Variants in ADGRD1 observed in about 807,000 individuals in gnomAD.
The protein encoded by ADGRD1 is adhesion G protein-coupled receptor D1.
A neutral mutation model predicts 113.4 loss-of-function variants in ADGRD1; 77 were observed. The observed-to-expected ratio is 0.68, with a 90% CI of 0.57 to 0.82. The LOEUF is 0.82. ADGRD1 is among the 40% of genes least tolerant of loss of function. The pLI is 0.00. For synonymous variants in ADGRD1, 474 were observed against 475.0 expected (o/e 1.00, Z 0.03); for missense variants, 1,036 against 1,139.1 (o/e 0.91, Z 1.30).
At chr12:131,132,176 C>T (rs1468034067) in intron 21 of ADGRD1, among the ~76,000 whole-genome samples, 2 of 152,216 alleles carry the variant, frequency 1.3e-5, no homozygotes, top group Admixed American at 6.5e-5. Context: ...ATCTGCTGGG[C>T]TCAGCGAGTT....
rs554527157 is a variant in ADGRD1 at position 131,111,550 on chromosome 12, A to G, written c.2041+2673A>G. On this transcript the variant is annotated intron_variant, in intron 18 of 24. Coordinates refer to ENST00000261654, the MANE Select transcript of ADGRD1 (RefSeq NM_198827.5). ...CATTATGAGTAGGTTGGTGTGCTTA[A>G]TGGTGTTCCACATTTAGAGTACACT... 3.4e-4 allele frequency among the ~76,000 whole-genome samples: 51 copies of G among 151,954 alleles called. No individual in the cohort carries two copies. In the South Asian group the frequency reaches 0.01, roughly 31 times the overall value.
At chr12:131,127,604 G>A (rs1426518535) in intron 20 of ADGRD1, among the ~76,000 whole-genome samples, 1 of 137,684 alleles carries the variant, frequency 7.3e-6, no homozygotes, top group African/African-American at 2.8e-5. Flanking sequence ...GTGTTGGTTG[G>A]GTTGGTTGTG....
chr12:130,996,635 G>A (rs2136686186), intron 8 of ADGRD1, among the ~76,000 whole-genome samples: 1 of 104,098 alleles, frequency 9.6e-6, no homozygotes, highest in Non-Finnish European at 2.1e-5. Context: ...CCTCCCGGAC[G>A]AGGCGGCTGG....
At chr12:131,127,929 C>T (rs1464763237) in intron 20 of ADGRD1, among the ~76,000 whole-genome samples, 1 of 47,232 alleles carries the variant, frequency 2.1e-5, no homozygotes, top group Non-Finnish European at 3.8e-5. Context: ...TGTGATGGGA[C>T]CCTGAGCTCA....
chr12:131,138,229 C>T lies in ADGRD1; in HGVS notation c.2529C>T (p.Leu843=), dbSNP rs1186863596. 5.6e-6 allele frequency: 9 copies of T among 1,611,994 alleles called. No homozygotes were observed. Among genetic ancestry groups the T allele is most frequent in the African/African-American group, 4.0e-5 (3 of 74,904 alleles). ...TSNAKPFHSD[L]MNGTRPGMAS... is the part of the protein sequence containing the mutation. ...ACGCGAAGCCCTTCCACTCGGACCT[C>T]GTGAGTGCAGCCTCCATAAACCGAG... is the stretch of plus-strand genomic sequence containing the variant. The change falls in exon 24 of 25, where the codon CTC becomes CTT. Residue 843 remains leucine (L), a splice_region_variant and synonymous_variant. Coordinates refer to ENST00000261654, the MANE Select transcript of ADGRD1 (RefSeq NM_198827.5).
rs1372391518 is a variant in ADGRD1 at position 130,954,815 on chromosome 12, C to T, written c.103+155C>T. Among the ~76,000 whole-genome samples the T allele has an allele frequency of 6.6e-6, 1 of 152,200 alleles. No homozygotes were observed. Among genetic ancestry groups the T allele is most frequent in the Non-Finnish European group, 1.5e-5 (1 of 68,036 alleles). On this transcript the variant is annotated intron_variant, in intron 2 of 24. Coordinates refer to ENST00000261654, the MANE Select transcript of ADGRD1 (RefSeq NM_198827.5). This position sits in a 1 kb window ranked among gnomAD's most constrained non-coding sequence, Gnocchi z 4.7. ...TCACTGCCTCACCACACACTGTGAC[C>T]CTGGGCAGCTCTGCTACCCCTCACC...
intron 13 of ADGRD1, among the ~76,000 whole-genome samples, chr12:131,049,169 C>T (rs1243630784): frequency 6.6e-6 from 1 of 152,198 alleles, no homozygotes; most frequent in Non-Finnish European, 1.5e-5. Context: ...TGACCGAGTC[C>T]CTGGGGTCTC....
intron 2 of ADGRD1, chr12:130,957,033 A>G (rs111200439): frequency 0.066 from 10,091 of 152,468 alleles, 413 homozygotes; most frequent in Non-Finnish European, 0.097. Flanking sequence ...ATATGCACAC[A>G]CCTGCATGCA....
At chr12:131,135,374 G>C (rs1033974172) in intron 21 of ADGRD1, among the ~76,000 whole-genome samples, 1 of 152,156 alleles carries the variant, frequency 6.6e-6, no homozygotes, top group Non-Finnish European at 1.5e-5. Context: ...ATGCTGATGG[G>C]GCTGGTGTGT....
At chr12:131,016,040 G>T (rs1174836148) in intron 13 of ADGRD1, among the ~76,000 whole-genome samples, 1 of 152,176 alleles carries the variant, frequency 6.6e-6, no homozygotes, top group Non-Finnish European at 1.5e-5. Flanking sequence ...TGCTGTCATT[G>T]CTGGTGTCGT....
At chr12:131,008,763 G>A (rs1204040986) in intron 12 of ADGRD1, among the ~76,000 whole-genome samples, 1 of 152,210 alleles carries the variant, frequency 6.6e-6, no homozygotes, top group African/African-American at 2.4e-5. Flanking sequence ...GTTCCTCCAG[G>A]TGGACGGGGC....
intron 12 of ADGRD1, among the ~76,000 whole-genome samples, chr12:131,008,990 A>C (rs1298270514): frequency 1.3e-5 from 2 of 152,182 alleles, no homozygotes; most frequent in Non-Finnish European, 2.9e-5. Flanking sequence ...GCAGTAACTG[A>C]CCCAGGCAGA....
At position 131,073,899 on chromosome 12, in the gene ADGRD1, C is replaced by G. The variant is rs942231067; in HGVS notation, c.1474-2902C>G. ...TGACATTAATCCATTCCTGAGGGCT[C>G]AGCCCTCATGACCCAGTTGCCACTT... On this transcript the variant is annotated intron_variant, in intron 13 of 24. Transcript: ENST00000261654. Among the ~76,000 whole-genome samples, 4 of 152,206 alleles carry G rather than the reference C, an allele frequency of 2.6e-5. No homozygotes were observed. The South Asian group carries it at 6.2e-4, about 24-fold the overall frequency.
rs1876689479 is a variant in ADGRD1 at position 131,003,669 on chromosome 12, G to C, written c.1144+367G>C. 6.6e-6 allele frequency among the ~76,000 whole-genome samples: 1 copy of C among 152,246 alleles called. No homozygotes were observed. The highest frequency in any genetic ancestry group is 2.4e-5 in the African/African-American group (1 of 41,464). ...CTCTCAGCTGGGCTCCAGGGTAATT[G>C]TCACAGTTGTCTAATTGTAGAGGCA... is the stretch of plus-strand genomic sequence containing the variant. On this transcript the variant is annotated intron_variant, in intron 10 of 24. Transcript: ENST00000261654. The surrounding 1 kb of genome is among the most constrained non-coding windows in gnomAD (Gnocchi z 4.8).
chr12:131,134,588 A>G (rs192431933), intron 21 of ADGRD1, among the ~76,000 whole-genome samples: 142 of 152,352 alleles, frequency 9.3e-4, no homozygotes, highest in African/African-American at 3.3e-3. Flanking sequence ...TTATTGCATT[A>G]GCATTATGAG....
chr12:131,029,952 G>A (rs756534550), intron 13 of ADGRD1, among the ~76,000 whole-genome samples: 44 of 147,920 alleles, frequency 3.0e-4, no homozygotes, highest in African/African-American at 6.8e-4. Flanking sequence ...CTCGTTCAGT[G>A]ACATTCCCAG....
chr12:130,976,248 G>A (rs987614582), intron 4 of ADGRD1, among the ~76,000 whole-genome samples: 1 of 152,148 alleles, frequency 6.6e-6, no homozygotes, highest in Non-Finnish European at 1.5e-5. Flanking sequence ...GCGATCTGGG[G>A]TCAGGGGGCT....
intron 13 of ADGRD1, among the ~76,000 whole-genome samples, chr12:131,040,979 G>A (rs2136983527): frequency 6.6e-6 from 1 of 152,328 alleles, no homozygotes; most frequent in African/African-American, 2.4e-5. Flanking sequence ...CCTGCTGTGT[G>A]GCAGGACAGT....
chr12:131,105,033 G>A, intron 16 of ADGRD1, 99 bp downstream of exon 16: 2 of 833,500 alleles, frequency 2.4e-6, no homozygotes, highest in Non-Finnish European at 3.7e-6. Flanking sequence ...GGGCTGTGGA[G>A]GTAAGAGCAC....
Sources: allele counts gnomAD v4.1 joint callset (sites outside exome capture counted in the v4.1 genomes callset), GRCh38; gene constraint gnomAD v4.1.1; non-coding constraint Gnocchi (gnomAD v3.1); transcripts MANE v1.5; gene names NCBI Gene and HGNC (gene_info 2026-07-23, HGNC 2026-07-21).